Variants in LRRC9 observed in about 807,000 individuals in gnomAD.
LRRC9 encodes the protein leucine rich repeat containing 9, also known as leucine-rich repeat-containing protein 9.
A neutral mutation model predicts 63.2 loss-of-function variants in LRRC9; 122 were observed. That is an observed-to-expected ratio of 1.93 (90% CI 1.67 to 2.24). The LOEUF (loss-of-function observed/expected upper bound fraction) is 2.24, where lower values mean the gene tolerates loss of function less well. LRRC9 is among the 30% of genes most tolerant of loss of function. The pLI is 0.00. For synonymous variants in LRRC9, 366 were observed against 213.1 expected, an observed-to-expected ratio of 1.72 and a Z score of -6.25; for missense variants, 1,071 against 627.7, an observed-to-expected ratio of 1.71 and a Z score of -7.55.
At chr14:59,957,425 T>C (rs1404960599) in intron 8 of LRRC9, among the ~76,000 whole-genome samples, 3 of 152,134 alleles carry the variant, frequency 2.0e-5, no homozygotes, top group East Asian at 1.9e-4. Flanking sequence ...ATTTCAGCTA[T>C]GGATACTTGT....
intron 15 of LRRC9, among the ~76,000 whole-genome samples, chr14:59,979,181 T>C (rs550018909): frequency 4.5e-4 from 69 of 152,248 alleles, no homozygotes; most frequent in Admixed American, 1.4e-3. Context: ...AGAGGATTGC[T>C]TGAGCCCAGG....
At chr14:60,015,229 A>T in intron 23 of LRRC9, among the ~76,000 whole-genome samples, 1 of 145,830 alleles carries the variant, frequency 6.9e-6, no homozygotes, top group Admixed American at 7.1e-5. Context: ...CTTGTTGAGC[A>T]TTTTTCCTTT....
chr14:60,015,349 C>G (rs1890590684), intron 23 of LRRC9, among the ~76,000 whole-genome samples: 1 of 152,110 alleles, frequency 6.6e-6, no homozygotes, highest in South Asian at 2.1e-4. Flanking sequence ...GCATAACATA[C>G]TTTTTATTTT....
intron 22 of LRRC9, among the ~76,000 whole-genome samples, 147 bp from the exon 23 acceptor site, chr14:60,007,940 TAAAAA>T (rs398043778): frequency 2.0e-4 from 26 of 126,908 alleles, no homozygotes; most frequent in Admixed American, 2.4e-4. Context: ...ACCATGTCTT[TAAAAA>T]AAAAAAAAAA....
At chr14:60,000,266 G>A (rs1889227476) in intron 19 of LRRC9, among the ~76,000 whole-genome samples, 1 of 152,032 alleles carries the variant, frequency 6.6e-6, no homozygotes, top group South Asian at 2.1e-4. Context: ...CATAAAGATG[G>A]GGACAATACA....
At chr14:60,043,968 C>T (rs1893192028) in intron 29 of LRRC9, among the ~76,000 whole-genome samples, 1 of 151,172 alleles carries the variant, frequency 6.6e-6, no homozygotes, top group Admixed American at 6.6e-5. Context: ...TTTTTTACAG[C>T]TTCTATTTCA....
intron 13 of LRRC9, among the ~76,000 whole-genome samples, chr14:59,975,855 A>G (rs1443817301): frequency 6.6e-6 from 1 of 152,138 alleles, no homozygotes; most frequent in African/African-American, 2.4e-5. Flanking sequence ...AGGGTCTCCA[A>G]CCCCTGCCCA....
chr14:60,013,025 T>A (rs1452955357), intron 23 of LRRC9, among the ~76,000 whole-genome samples: 1 of 151,822 alleles, frequency 6.6e-6, no homozygotes, highest in Non-Finnish European at 1.5e-5. Context: ...TCGTTACATA[T>A]GTATACATGT....
At chr14:59,971,662 T>C (rs1254450032) in intron 12 of LRRC9, among the ~76,000 whole-genome samples, 1 of 152,064 alleles carries the variant, frequency 6.6e-6, no homozygotes, top group African/African-American at 2.4e-5. Context: ...CTTTCCTGAT[T>C]TCCATAACAA....
chr14:59,925,869 C>A (rs906979340), intron 1 of LRRC9, among the ~76,000 whole-genome samples: 14 of 152,178 alleles, frequency 9.2e-5, no homozygotes, highest in Admixed American at 5.9e-4. Context: ...ATAATCCCCA[C>A]ATTTCAAGGG....
At position 60,004,316 on chromosome 14, in the gene LRRC9, TATA is replaced by T. The variant is rs1282131706; in HGVS notation, c.2842+520_2842+522del. ...AAGCAGACTAGTTCTGTTTTGAAAA[TATA>T]AAATTGAGGTTATATTTGGAAATTT... On this transcript the variant is annotated intron_variant, in intron 21 of 31. Transcript: ENST00000445360. This position sits in a 1 kb window ranked among gnomAD's most constrained non-coding sequence, Gnocchi z 4.8. 6.6e-6 allele frequency among the ~76,000 whole-genome samples: 1 copy of T among 152,074 alleles called. No homozygotes were observed. The highest frequency in any genetic ancestry group is 1.5e-5 in the Non-Finnish European group (1 of 67,974).
rs947470438 is a variant in LRRC9 at position 59,927,048 on chromosome 14, A to G, written c.-33-863A>G. On this transcript the variant is annotated intron_variant, in intron 1 of 31. Transcript: ENST00000445360. The surrounding 1 kb of genome is among the most constrained non-coding windows in gnomAD (Gnocchi z 4.4). ...GCTTTACATTTGTATTCTGGCCACA[A>G]AGGCTTTCACCTGCATCTAAGGAAA... 6.6e-6 allele frequency among the ~76,000 whole-genome samples: 1 copy of G among 152,100 alleles called. No individual in the cohort carries two copies. Among genetic ancestry groups the G allele is most frequent in the Non-Finnish European group, 1.5e-5 (1 of 67,970 alleles).
chr14:60,063,596 T>C (rs116345907), downstream of LRRC9: 5,521 of 432,946 alleles, frequency 0.013, 152 homozygotes, highest in African/African-American at 0.079. Context: ...TGAATTTCTA[T>C]ATCATAAAAA....
chr14:59,999,078 A>ATT, intron 18 of LRRC9, 23 bp from the exon 19 acceptor site: 3 of 590,598 alleles, frequency 5.1e-6, no homozygotes, highest in South Asian at 2.0e-5. Flanking sequence ...TTTATAAAAA[A>ATT]TTTTTTTTTT....
chr14:59,994,733 C>A (rs2140169254), intron 17 of LRRC9, among the ~76,000 whole-genome samples: 1 of 152,066 alleles, frequency 6.6e-6, no homozygotes, highest in South Asian at 2.1e-4. Flanking sequence ...AAGCTGGAAA[C>A]CATCATTCTC....
At chr14:60,015,060 C>G (rs1292124587) in intron 23 of LRRC9, among the ~76,000 whole-genome samples, 1 of 152,116 alleles carries the variant, frequency 6.6e-6, no homozygotes, top group African/African-American at 2.4e-5. Flanking sequence ...TCTTTCCACT[C>G]TGCTATTGAG....
At chr14:59,974,948 G>C (rs1311829219) in intron 13 of LRRC9, among the ~76,000 whole-genome samples, 4 of 149,150 alleles carry the variant, frequency 2.7e-5, no homozygotes, top group Non-Finnish European at 5.9e-5. Flanking sequence ...TTGTTACTCA[G>C]ATATTTAATT....
At chr14:59,946,995 G>A (rs1434767670) in intron 8 of LRRC9, among the ~76,000 whole-genome samples, 3 of 146,610 alleles carry the variant, frequency 2.0e-5, no homozygotes, top group African/African-American at 5.1e-5. Flanking sequence ...ATAGCAGCAT[G>A]ATTTATAGTC....
At chr14:60,059,388 A>G (rs1894505893) in intron 31 of LRRC9, among the ~76,000 whole-genome samples, 3 of 152,214 alleles carry the variant, frequency 2.0e-5, no homozygotes, top group East Asian at 3.8e-4. Flanking sequence ...AGGAAGGAAG[A>G]ATCTCAGATC....
Sources: gnomAD v4.1 joint callset for allele counts (sites outside exome capture counted in the v4.1 genomes callset) on GRCh38, gnomAD v4.1.1 for gene constraint, Gnocchi (gnomAD v3.1) non-coding constraint, MANE v1.5 for transcripts, NCBI Gene and HGNC (gene_info 2026-07-23, HGNC 2026-07-21) for gene names.